GRIN3A: variants seen among roughly 807,000 people sequenced by gnomAD.
The protein encoded by GRIN3A is glutamate receptor ionotropic, NMDA 3A.
Under a neutral mutation model 92.4 loss-of-function variants are expected in GRIN3A, and 47 were observed. That is an observed-to-expected ratio of 0.51 (90% CI 0.40 to 0.65). The LOEUF is 0.65. Among genes scored for constraint, GRIN3A ranks in the 30% least tolerant of loss-of-function variants. The pLI is 0.00. For synonymous variants in GRIN3A, 527 were observed against 540.6 expected (o/e 0.97, Z 0.35); for missense variants, 1,324 against 1,393.1 (o/e 0.95, Z 0.79).
At chr9:101,580,755 AAGGAAAGTG>A (rs1246472181) in intron 6 of GRIN3A, among the ~76,000 whole-genome samples, 1 of 152,240 alleles carries the variant, frequency 6.6e-6, no homozygotes, top group Non-Finnish European at 1.5e-5. Context: ...TTTTATAACT[AAGGAAAGTG>A]GAGTTACTGC....
chr9:101,621,950 AT>A (rs1828562275), intron 5 of GRIN3A, among the ~76,000 whole-genome samples: 1 of 152,196 alleles, frequency 6.6e-6, no homozygotes, highest in Non-Finnish European at 1.5e-5. Flanking sequence ...TTAAAATGGG[AT>A]TATATACTGA....
Position 101,737,425 on chromosome 9 carries a change from G to A in GRIN3A, c.555C>T (p.Cys185=), listed in dbSNP as rs182534094. Residue 185 remains cysteine, a synonymous_variant, in exon 1 of 9, where the codon TGC becomes TGT. Coordinates refer to ENST00000361820, the MANE Select transcript of GRIN3A (RefSeq NM_133445.3). ...ACACCCCTTGCACCACCACGGTATG[G>A]CACACACTTTGCAGGAAGGAGAAAG... ...SDPFSFLQSV[C]HTVVVQGVSA... The A allele has an allele frequency of 6.2e-7, 1 of 1,614,276 alleles. No individual in the cohort carries two copies. Among genetic ancestry groups the A allele is most frequent in the East Asian group, 2.2e-5 (1 of 44,882 alleles).
intron 6 of GRIN3A, chr9:101,591,580 G>A (rs1297270917): frequency 6.6e-6 from 1 of 152,120 alleles, no homozygotes. Context: ...TAAATGATAT[G>A]TATAACAAAG....
intron 3 of GRIN3A, among the ~76,000 whole-genome samples, chr9:101,637,842 T>C (rs1053815707): frequency 2.0e-5 from 3 of 152,150 alleles, no homozygotes; most frequent in Non-Finnish European, 4.4e-5. Flanking sequence ...AGGAAGGTGA[T>C]TTAGGCCCAT....
At chr9:101,581,223 C>A (rs1053216127) in intron 6 of GRIN3A, among the ~76,000 whole-genome samples, 3 of 152,090 alleles carry the variant, frequency 2.0e-5, no homozygotes, top group African/African-American at 4.8e-5. Context: ...TTGAATAAGA[C>A]AGGCAGGATG....
At chr9:101,630,419 C>T (rs1159400457) in intron 3 of GRIN3A, among the ~76,000 whole-genome samples, 1 of 152,080 alleles carries the variant, frequency 6.6e-6, no homozygotes, top group Non-Finnish European at 1.5e-5. Flanking sequence ...AATCTTTGAC[C>T]TTTCCGTGCA....
At chr9:101,706,252 G>T (rs1020962098) in intron 1 of GRIN3A, among the ~76,000 whole-genome samples, 4 of 152,184 alleles carry the variant, frequency 2.6e-5, no homozygotes, top group Admixed American at 1.3e-4. Flanking sequence ...CAATTTGGTA[G>T]TTAATTCATT....
intron 3 of GRIN3A, among the ~76,000 whole-genome samples, chr9:101,652,603 C>T (rs2118919054): frequency 6.6e-6 from 1 of 152,036 alleles, no homozygotes; most frequent in Non-Finnish European, 1.5e-5. Flanking sequence ...ACAAAAAATC[C>T]CAGGCAGTAA....
intron 2 of GRIN3A, among the ~76,000 whole-genome samples, chr9:101,684,270 ATTTTTTTTTT>A (rs3082771): frequency 4.6e-5 from 4 of 87,062 alleles, no homozygotes; most frequent in African/African-American, 1.9e-4. Flanking sequence ...TGCTTAGCTA[ATTTTTTTTTT>A]TTTTTTTTTT....
At chr9:101,589,205 T>A (rs1264540442) in intron 6 of GRIN3A, among the ~76,000 whole-genome samples, 1 of 152,182 alleles carries the variant, frequency 6.6e-6, no homozygotes, top group Non-Finnish European at 1.5e-5. Flanking sequence ...ACTCCTGACC[T>A]CAAGCGATCC....
chr9:101,594,666 C>T (rs756306363), intron 6 of GRIN3A: 6 of 1,614,172 alleles, frequency 3.7e-6, no homozygotes, highest in Non-Finnish European at 8.5e-7. Flanking sequence ...TCCTCGTCGC[C>T]CTTGACGCTG....
intron 1 of GRIN3A, among the ~76,000 whole-genome samples, chr9:101,717,180 T>C (rs554430931): frequency 1.3e-5 from 2 of 152,346 alleles, no homozygotes; most frequent in African/African-American, 2.4e-5. Context: ...GCATATAATA[T>C]AGTGGAATTC....
At chr9:101,672,414 A>C (rs1389365511) in intron 2 of GRIN3A, among the ~76,000 whole-genome samples, 2 of 152,158 alleles carry the variant, frequency 1.3e-5, no homozygotes, top group East Asian at 3.9e-4. Context: ...AGTGGGAAAC[A>C]CAAAGTATTG....
intron 5 of GRIN3A, among the ~76,000 whole-genome samples, chr9:101,616,696 T>A (rs187639826): frequency 1.8e-3 from 233 of 126,240 alleles, no homozygotes; most frequent in Middle Eastern, 0.01. Flanking sequence ...AACAATGAGA[T>A]CACATGGACA....
intron 3 of GRIN3A, among the ~76,000 whole-genome samples, chr9:101,651,547 C>T (rs1829014870): frequency 6.6e-6 from 1 of 151,626 alleles, no homozygotes; most frequent in South Asian, 2.1e-4. Flanking sequence ...GGATTGTGTG[C>T]ATTATTCTTT....
At position 101,670,994 on chromosome 9, in the gene GRIN3A, A is replaced by G. The variant is rs200348136; in HGVS notation, c.1418T>C (p.Met473Thr). 1 of 1,613,918 alleles carries G rather than the reference A, an allele frequency of 6.2e-7. No homozygotes were observed. The highest frequency in any genetic ancestry group is 2.2e-5 in the East Asian group (1 of 44,854). The change falls in exon 3 of 9, where the codon ATG becomes ACG. Residue 473 changes from methionine (M) to threonine (T), a missense_variant. By Grantham distance (81) the Met-to-Thr change is moderately conservative. Coordinates refer to ENST00000361820, the MANE Select transcript of GRIN3A (RefSeq NM_133445.3). ...CAAGCGGGTCCACATTGGCTTTCCC[A>G]TGGGGTCATGTTGAAGATTCCAGAT... ...FFIWNLQHDP[M>T]GKPMWTRLGS... is the part of the protein sequence containing the mutation.
chr9:101,611,084 TGA>T lies in GRIN3A; in HGVS notation c.2766+2290_2766+2291del, dbSNP rs1828361646. Among the ~76,000 whole-genome samples, 7 of 144,562 alleles carry T rather than the reference TGA, an allele frequency of 4.8e-5. No homozygotes were observed. In the Admixed American group the frequency reaches 4.9e-4, roughly 10 times the overall value. 94.8% of individuals were successfully genotyped at this position (144,562 alleles called of 152,430 possible). A position where few individuals can be genotyped will look rare whatever the true frequency, so the allele number is the denominator to read the frequency against. On this transcript the variant is annotated intron_variant, in intron 6 of 8. Coordinates refer to ENST00000361820, the MANE Select transcript of GRIN3A (RefSeq NM_133445.3). ...CTGCACTCCAGCCTGGGTTACAGTG[TGA>T]GAGTCTGTCTCAAAAAAAAAAAAAA...
intron 1 of GRIN3A, among the ~76,000 whole-genome samples, chr9:101,727,355 A>G (rs1830093278): frequency 6.6e-6 from 1 of 152,138 alleles, no homozygotes; most frequent in African/African-American, 2.4e-5. Context: ...TTGTGTATTT[A>G]TAGGTGATTT....
intron 7 of GRIN3A, among the ~76,000 whole-genome samples, chr9:101,578,902 A>G (rs1463582986): frequency 1.3e-5 from 2 of 152,176 alleles, no homozygotes; most frequent in African/African-American, 2.4e-5. Flanking sequence ...CTTTCACACC[A>G]TCTTTTCAGA....
Sources: allele counts gnomAD v4.1 joint callset (sites outside exome capture counted in the v4.1 genomes callset), GRCh38; gene constraint gnomAD v4.1.1; transcripts MANE v1.5; gene names NCBI Gene and HGNC (gene_info 2026-07-23, HGNC 2026-07-21).